COL6A2: variants seen among roughly 807,000 people sequenced by gnomAD.
COL6A2 encodes collagen alpha-2(VI) chain.
A neutral mutation model predicts 124.9 loss-of-function variants in COL6A2; 90 were observed. That is an observed-to-expected ratio of 0.72 (90% CI 0.61 to 0.86). The LOEUF (loss-of-function observed/expected upper bound fraction) is 0.86, where lower values mean the gene tolerates loss of function less well. Ranked by LOEUF, COL6A2 falls within the 40% of genes least tolerant of loss-of-function variation. The probability of loss-of-function intolerance (pLI) is 0.00; values close to 1 mark genes in which losing one functional copy is unlikely to be tolerated. For synonymous variants in COL6A2, 793 were observed against 618.2 expected (o/e 1.28, Z -4.19); for missense variants, 1,607 against 1,502.5 (o/e 1.07, Z -1.15).
chr21:46,119,164 C>T (rs2067892395), intron 14 of COL6A2, 45 bp downstream of exon 14: 1 of 1,444,626 alleles, frequency 6.9e-7, no homozygotes. Flanking sequence ...TCTGGGCATC[C>T]TCCTTGCAGC....
chr21:46,112,460 G>C lies in COL6A2; in HGVS notation c.597G>C (p.Gln199His). The change falls in exon 3 of 28, where the codon CAG becomes CAC. Residue 199 changes from glutamine to histidine, a missense_variant. Gln to His is a conservative substitution (Grantham distance 24). Coordinates refer to ENST00000300527, the MANE Select transcript of COL6A2 (RefSeq NM_001849.4). ...CCCCCAACCAGAACCTGAAGGAGCA[G>C]GGCCTGCGGGACATCGCCAGCACGC... ...AVAPNQNLKE[Q>H]GLRDIASTPH... The C allele has an allele frequency of 6.2e-7, 1 of 1,610,696 alleles. No homozygotes were observed. Among genetic ancestry groups the C allele is most frequent in the Non-Finnish European group, 8.5e-7 (1 of 1,179,742 alleles).
intron 27 of COL6A2, among the ~76,000 whole-genome samples, chr21:46,128,484 G>GTGGCCTGGCCC (rs57206396): frequency 0.37 from 56,241 of 151,730 alleles, 11,824 homozygotes; most frequent in Admixed American, 0.53. Flanking sequence ...ACCACTGGCT[G>GTGGCCTGGCCC]TGGCCTGGCC....
chr21:46,113,990 T>C lies in COL6A2; in HGVS notation c.736-18T>C, dbSNP rs1341626618. The C allele has an allele frequency of 1.2e-6, 2 of 1,612,888 alleles. No homozygotes were observed. The highest frequency in any genetic ancestry group is 1.7e-5 in the Admixed American group (1 of 60,028). On this transcript the variant is annotated intron_variant, in intron 4 of 27. Coordinates refer to ENST00000300527, the MANE Select transcript of COL6A2 (RefSeq NM_001849.4). Reference sequence around the variant, plus strand: ...TGTCCCACCCATGCAACCTTCTGTCTCTGCTTCCTCGTTTCAGTGCTACAA... The same window carrying C: ...TGTCCCACCCATGCAACCTTCTGTCCCTGCTTCCTCGTTTCAGTGCTACAA...
chr21:46,101,079 G>T (rs747174175), intron 1 of COL6A2, among the ~76,000 whole-genome samples: 2 of 151,922 alleles, frequency 1.3e-5, no homozygotes, highest in African/African-American at 2.4e-5. Context: ...GGTTCGCTTG[G>T]TTTTTTTTAA....
At chr21:46,113,958 T>C (rs766346633) in intron 4 of COL6A2, 50 bp from the exon 5 acceptor site, 47 of 1,501,742 alleles carry the variant, frequency 3.1e-5, no homozygotes, top group Admixed American at 5.0e-5. Context: ...CCCTGCCACC[T>C]GAGGAATGTC....
chr21:46,120,418 C>A, intron 15 of COL6A2, 97 bp from the exon 16 acceptor site: 1 of 951,462 alleles, frequency 1.1e-6, no homozygotes. Flanking sequence ...TCCTCCCAGG[C>A]CCCCTTCCCC....
At chr21:46,126,427 G>A (rs2078669051) in intron 26 of COL6A2, 76 bp from the exon 27 acceptor site, 1 of 1,592,642 alleles carries the variant, frequency 6.3e-7, no homozygotes, top group African/African-American at 1.3e-5. Context: ...GCCTGTCTAG[G>A]CAGATCAGTG....
At chr21:46,105,901 A>C (rs1601206780) in intron 1 of COL6A2, among the ~76,000 whole-genome samples, 2 of 152,258 alleles carry the variant, frequency 1.3e-5, no homozygotes, top group East Asian at 3.8e-4. Flanking sequence ...AAATGGATTA[A>C]ACTCTCCAAA....
At chr21:46,129,005 C>G in intron 27 of COL6A2, 1 of 1,605,934 alleles carries the variant, frequency 6.2e-7, no homozygotes, top group South Asian at 1.1e-5. Context: ...AGCTTCCTGT[C>G]CCTGTGCTCA....
intron 1 of COL6A2, among the ~76,000 whole-genome samples, chr21:46,107,801 C>G (rs1362323676): frequency 5.3e-5 from 8 of 152,166 alleles, no homozygotes; most frequent in African/African-American, 1.9e-4. Flanking sequence ...AATTTTCCTG[C>G]CTTTCTGGAT....
Position 46,122,128 on chromosome 21 carries a change from A to T in COL6A2, c.1542A>T (p.Gly514=). 1 of 1,612,668 alleles carries T rather than the reference A, an allele frequency of 6.2e-7. No homozygotes were observed. The highest frequency in any genetic ancestry group is 2.2e-5 in the East Asian group (1 of 44,872). Residue 514 remains glycine, a synonymous_variant, in exon 19 of 28, where the codon GGA becomes GGT. Coordinates refer to ENST00000300527, the MANE Select transcript of COL6A2 (RefSeq NM_001849.4). ...PGPKGDPGRP[G]FSYPGPRGAP... ...TCCAGGGAGACCCCGGCAGGCCTGGATTCAGCTACCCAGGACCCCGAGGAG... is the reference window on the plus strand; with the variant it reads ...TCCAGGGAGACCCCGGCAGGCCTGGTTTCAGCTACCCAGGACCCCGAGGAG...
At chr21:46,122,413 CGGGGCTGCAG>C in intron 19 of COL6A2, 73 bp from the exon 20 acceptor site, 2 of 1,571,096 alleles carry the variant, frequency 1.3e-6, no homozygotes, top group East Asian at 2.2e-5. Context: ...GGGAGGGAAA[CGGGGCTGCAG>C]AAAGCTGCCC....
intron 27 of COL6A2, among the ~76,000 whole-genome samples, chr21:46,128,133 G>C (rs2078702016): frequency 6.6e-6 from 1 of 152,224 alleles, no homozygotes; most frequent in African/African-American, 2.4e-5. Context: ...CATGGAGTGA[G>C]CCCATTCTCC....
intron 27 of COL6A2, 132 bp from the exon 28 acceptor site, chr21:46,131,822 C>T (rs184102525): frequency 1.8e-4 from 156 of 859,600 alleles, no homozygotes; most frequent in South Asian, 1.1e-3. Context: ...CCTGCAGAAA[C>T]GCCCCCGCAG....
At chr21:46,131,850 G>A in intron 27 of COL6A2, 104 bp from the exon 28 acceptor site, 4 of 1,084,870 alleles carry the variant, frequency 3.7e-6, no homozygotes, top group South Asian at 1.4e-5. Flanking sequence ...TGGTCTGTGA[G>A]GTTGCAGGCA....
chr21:46,101,069 G>C (rs2078283241), intron 1 of COL6A2, among the ~76,000 whole-genome samples: 2 of 152,192 alleles, frequency 1.3e-5, no homozygotes, highest in Admixed American at 1.3e-4. Flanking sequence ...TCATTTTCCG[G>C]GTTCGCTTGG....
intron 18 of COL6A2, 75 bp from the exon 19 acceptor site, chr21:46,122,033 G>A: frequency 6.7e-7 from 1 of 1,493,930 alleles, no homozygotes; most frequent in Non-Finnish European, 9.3e-7. Context: ...TGTGCACCTT[G>A]CGCCCTGTTG....
chr21:46,125,009 C>G, intron 23 of COL6A2, 89 bp downstream of exon 23: 1 of 1,505,756 alleles, frequency 6.6e-7, no homozygotes, highest in South Asian at 1.1e-5. Flanking sequence ...TCAGCTGGCA[C>G]GGTCAGAGAG....
intron 22 of COL6A2, 68 bp from the exon 23 acceptor site, chr21:46,124,817 G>A (rs2078634130): frequency 3.1e-6 from 5 of 1,604,692 alleles, no homozygotes; most frequent in Admixed American, 1.7e-5. Flanking sequence ...TCAGTGGGCA[G>A]TGGCCTGGGA....
Sources: gnomAD v4.1 joint callset for allele counts (sites outside exome capture counted in the v4.1 genomes callset) on GRCh38, gnomAD v4.1.1 for gene constraint, MANE v1.5 for transcripts, NCBI Gene and HGNC (gene_info 2026-07-23, HGNC 2026-07-21) for gene names.